Variants in FUCA2 observed in about 807,000 individuals in gnomAD.
FUCA2 encodes alpha-L-fucosidase 2.
A neutral mutation model predicts 52.6 loss-of-function variants in FUCA2; 41 were observed. The ratio of observed to expected loss-of-function variants is 0.78; its 90% CI spans 0.61 to 1.01. FUCA2 has a LOEUF of 1.01. Among genes scored for constraint, FUCA2 ranks in the 50% least tolerant of loss-of-function variants. The pLI is 0.00. For missense variants in FUCA2, 507 were observed against 569.5 expected (o/e 0.89, Z 1.12); for synonymous variants, 211 against 217.3 (o/e 0.97, Z 0.26).
Position 143,502,920 on chromosome 6 carries a change from G to T in FUCA2, c.753-355C>A. ...TTAAGCTCCCTTCCATATTGTAAAT[G>T]GTAGCCAAAACTGAATTTATACCCA... On this transcript the variant is annotated intron_variant, in intron 3 of 6. Coordinates refer to ENST00000002165, the MANE Select transcript of FUCA2 (RefSeq NM_032020.5). This position sits in a 1 kb window ranked among gnomAD's most constrained non-coding sequence, Gnocchi z 4.1. 5.8e-6 allele frequency: 1 copy of T among 172,704 alleles called. No homozygotes were observed. Among genetic ancestry groups the T allele is most frequent in the Admixed American group, 5.6e-5 (1 of 17,868 alleles). 10.7% of individuals were successfully genotyped at this position (172,704 alleles called of 1,614,324 possible).
At position 143,504,732 on chromosome 6, in the gene FUCA2, C is replaced by T. The variant is rs1780577679; in HGVS notation, c.413-480G>A. 6.5e-6 allele frequency: 1 copy of T among 153,418 alleles called. No individual in the cohort carries two copies. The highest frequency in any genetic ancestry group is 6.5e-5 in the Admixed American group (1 of 15,436). The allele number at this position is 153,418 out of a possible 1,614,324, so 9.5% of individuals were successfully genotyped here. Reference sequence around the variant, plus strand: ...GCAAGATTCTTAGTGTCTTCTAAACCAAAGCTTGAAGTCTACTGCTTAGTT... The same window carrying T: ...GCAAGATTCTTAGTGTCTTCTAAACTAAAGCTTGAAGTCTACTGCTTAGTT... On this transcript the variant is annotated intron_variant, in intron 2 of 6. Coordinates refer to ENST00000002165, the MANE Select transcript of FUCA2 (RefSeq NM_032020.5). This position sits in a 1 kb window ranked among gnomAD's most constrained non-coding sequence, Gnocchi z 4.4.
Position 143,503,963 on chromosome 6 carries a change from C to T in FUCA2, c.702G>A (p.Pro234=), listed in dbSNP as rs746164699. 1.5e-5 allele frequency: 24 copies of T among 1,613,958 alleles called. No homozygotes were observed. The highest frequency in any genetic ancestry group is 6.6e-5 in the South Asian group (6 of 91,078). ...VLWSDGDGGA[P]DQYWNSTGFL... ...AGCCTGTGCTGTTCCAGTATTGATC[C>T]GGTGCTCCTCCGTCACCATCCGACC... The change falls in exon 3 of 7, where the codon CCG becomes CCA. Residue 234 remains proline (P), a synonymous_variant. Transcript: ENST00000002165. This position sits in a 1 kb window ranked among gnomAD's most constrained non-coding sequence, Gnocchi z 4.8.
chr6:143,501,819 G>C lies in FUCA2; in HGVS notation c.1154+113C>G. On this transcript the variant is annotated intron_variant, in intron 5 of 6. Transcript: ENST00000002165. This position sits in a 1 kb window ranked among gnomAD's most constrained non-coding sequence, Gnocchi z 6.1. The stretch of plus-strand genomic sequence containing the variant: ...GTAAGCAAAGTTTGGAAAGTGCTTT[G>C]TATATGTAGGAATTCATCCAATTTC... 1 of 891,428 alleles carries C rather than the reference G, an allele frequency of 1.1e-6. No individual in the cohort carries two copies. The highest frequency in any genetic ancestry group is 1.7e-6 in the Non-Finnish European group (1 of 596,280). The allele number at this position is 891,428 out of a possible 1,614,324, so 55.2% of individuals were successfully genotyped here. A position where few individuals can be genotyped will look rare whatever the true frequency, so the allele number is the denominator to read the frequency against.
chr6:143,502,161 A>G lies in FUCA2; in HGVS notation c.964-39T>C. 1 of 1,496,794 alleles carries G rather than the reference A, an allele frequency of 6.7e-7. No homozygotes were observed. The highest frequency in any genetic ancestry group is 9.1e-7 in the Non-Finnish European group (1 of 1,104,824). The allele number at this position is 1,496,794 out of a possible 1,614,324, so 92.7% of individuals were successfully genotyped here. A position where few individuals can be genotyped will look rare whatever the true frequency, so the allele number is the denominator to read the frequency against. ...AATAATGTTTTTAGATAAATAAAATAATTCCATCTTTAATGTGCTAATATG... is the reference window on the plus strand; with the variant it reads ...AATAATGTTTTTAGATAAATAAAATGATTCCATCTTTAATGTGCTAATATG... On this transcript the variant is annotated intron_variant, in intron 4 of 6. Coordinates refer to ENST00000002165, the MANE Select transcript of FUCA2 (RefSeq NM_032020.5). The surrounding 1 kb of genome is among the most constrained non-coding windows in gnomAD (Gnocchi z 4.1).
chr6:143,502,176 G>A lies in FUCA2; in HGVS notation c.964-54C>T, dbSNP rs1780538248. The A allele has an allele frequency of 2.1e-6, 3 of 1,427,506 alleles. No homozygotes were observed. The highest frequency in any genetic ancestry group is 1.5e-5 in the African/African-American group (1 of 68,644). The allele number at this position is 1,427,506 out of a possible 1,614,324, so 88.4% of individuals were successfully genotyped here. ...TAAATAAAATAATTCCATCTTTAAT[G>A]TGCTAATATGTTGCATTTATATATT... On this transcript the variant is annotated intron_variant, in intron 4 of 6. Coordinates refer to ENST00000002165, the MANE Select transcript of FUCA2 (RefSeq NM_032020.5). This position sits in a 1 kb window ranked among gnomAD's most constrained non-coding sequence, Gnocchi z 4.1.
In FUCA2 at chr6:143,495,929, T is replaced by C; in HGVS notation, c.1264-82A>G. On this transcript the variant is annotated intron_variant, in intron 6 of 6. Transcript: ENST00000002165. This position sits in a 1 kb window ranked among gnomAD's most constrained non-coding sequence, Gnocchi z 5.2. Reference sequence around the variant, plus strand: ...CTTTCTATTGGGAAGGAGTGATTAGTAGTTCAAACAAAATTGTAGACAAGA... The same window carrying C: ...CTTTCTATTGGGAAGGAGTGATTAGCAGTTCAAACAAAATTGTAGACAAGA... 1 of 1,423,464 alleles carries C rather than the reference T, an allele frequency of 7.0e-7. No individual in the cohort carries two copies. The highest frequency in any genetic ancestry group is 1.3e-5 in the South Asian group (1 of 79,712). 88.2% of individuals were successfully genotyped at this position (1,423,464 alleles called of 1,614,324 possible).
At position 143,499,190 on chromosome 6, in the gene FUCA2, T is replaced by A. The variant is rs1584025674; in HGVS notation, c.1155-1693A>T. On this transcript the variant is annotated intron_variant, in intron 5 of 6. Coordinates refer to ENST00000002165, the MANE Select transcript of FUCA2 (RefSeq NM_032020.5). The surrounding 1 kb of genome is among the most constrained non-coding windows in gnomAD (Gnocchi z 6.0). ...ATTGAGGCTGGAGTTCGGAAAGAGG[T>A]CTGCACTGGAAATAGAAATGTGGAG... Among the ~76,000 whole-genome samples the A allele has an allele frequency of 6.6e-6, 1 of 152,126 alleles. No individual in the cohort carries two copies. Among genetic ancestry groups the A allele is most frequent in the African/African-American group, 2.4e-5 (1 of 41,408 alleles).
At position 143,507,016 on chromosome 6, in the gene FUCA2, C is replaced by T. The variant is rs975850945; in HGVS notation, c.412+221G>A. On this transcript the variant is annotated intron_variant, in intron 2 of 6. Transcript: ENST00000002165. The surrounding 1 kb of genome is among the most constrained non-coding windows in gnomAD (Gnocchi z 4.5). ...TCAAAATACATGTGACAAAACGTGA[C>T]CATCTTTCCTCTGTTACGTGGCGGG... 8.2e-6 allele frequency: 4 copies of T among 485,496 alleles called. No individual in the cohort carries two copies. The highest frequency in any genetic ancestry group is 4.4e-5 in the Admixed American group (1 of 22,806). 30.1% of individuals were successfully genotyped at this position (485,496 alleles called of 1,614,324 possible).
At position 143,497,337 on chromosome 6, in the gene FUCA2, T is replaced by G; in HGVS notation, c.1263+52A>C. The G allele has an allele frequency of 8.7e-7, 1 of 1,148,204 alleles. No homozygotes were observed. Among genetic ancestry groups the G allele is most frequent in the South Asian group, 1.2e-5 (1 of 81,036 alleles). 71.1% of individuals were successfully genotyped at this position (1,148,204 alleles called of 1,614,324 possible). ...CTCCCCTTAAAAGTTAATGTTTGCATCAAGATGTTCTAATCAGCAATTTAA... is the reference window on the plus strand; with the variant it reads ...CTCCCCTTAAAAGTTAATGTTTGCAGCAAGATGTTCTAATCAGCAATTTAA... On this transcript the variant is annotated intron_variant, in intron 6 of 6. Coordinates refer to ENST00000002165, the MANE Select transcript of FUCA2 (RefSeq NM_032020.5). This position sits in a 1 kb window ranked among gnomAD's most constrained non-coding sequence, Gnocchi z 5.3.
chr6:143,507,362 G>A lies in FUCA2; in HGVS notation c.287C>T (p.Pro96Leu), dbSNP rs764344439. ...YVEFMKDNYP[P>L]SFKYEDFGPL... ...TCCAAAATCTTCATATTTGAAACTA[G>A]GAGGGTAATTATCTTTCATAAATTC... The change falls in exon 2 of 7, where the codon CCT becomes CTT. Residue 96 changes from proline to leucine, a missense_variant. Transcript: ENST00000002165. The surrounding 1 kb of genome is among the most constrained non-coding windows in gnomAD (Gnocchi z 4.5). The A allele has an allele frequency of 1.6e-5, 25 of 1,608,050 alleles. No individual in the cohort carries two copies. In the South Asian group the frequency reaches 2.4e-4, roughly 15 times the overall value.
chr6:143,511,352 C>T lies in FUCA2; in HGVS notation c.224+59G>A. 2.0e-6 allele frequency: 3 copies of T among 1,489,370 alleles called. No homozygotes were observed. Among genetic ancestry groups the T allele is most frequent in the South Asian group, 2.6e-5 (2 of 77,290 alleles). The allele number at this position is 1,489,370 out of a possible 1,614,324, so 92.3% of individuals were successfully genotyped here. A position where few individuals can be genotyped will look rare whatever the true frequency, so the allele number is the denominator to read the frequency against. On this transcript the variant is annotated intron_variant, in intron 1 of 6. Coordinates refer to ENST00000002165, the MANE Select transcript of FUCA2 (RefSeq NM_032020.5). The surrounding 1 kb of genome is among the most constrained non-coding windows in gnomAD (Gnocchi z 6.3). Reference sequence around the variant, plus strand: ...GCGAACCAGGCCCGCTGGGTGGTGGCTGGAGGCTGCGGGTGGGGACAAAAG... The same window carrying T: ...GCGAACCAGGCCCGCTGGGTGGTGGTTGGAGGCTGCGGGTGGGGACAAAAG...
rs753227229 is a variant in FUCA2 at position 143,497,443 on chromosome 6, G to A, written c.1209C>T (p.Pro403=). 1.2e-6 allele frequency: 2 copies of A among 1,613,830 alleles called. No individual in the cohort carries two copies. The highest frequency in any genetic ancestry group is 1.7e-5 in the Admixed American group (1 of 59,998). ...GGCCAAGGAACAGCTGTCCTGATGT[G>A]GGCCATTTAAGAAAAATGGCATAGA... ...KLVYAIFLKW[P]TSGQLFLGHP... The change falls in exon 6 of 7, where the codon CCC becomes CCT. Residue 403 remains proline, a synonymous_variant. Coordinates refer to ENST00000002165, the MANE Select transcript of FUCA2 (RefSeq NM_032020.5). This position sits in a 1 kb window ranked among gnomAD's most constrained non-coding sequence, Gnocchi z 5.3.
chr6:143,502,774 A>G lies in FUCA2; in HGVS notation c.753-209T>C, dbSNP rs3789790. On this transcript the variant is annotated intron_variant, in intron 3 of 6. Coordinates refer to ENST00000002165, the MANE Select transcript of FUCA2 (RefSeq NM_032020.5). This position sits in a 1 kb window ranked among gnomAD's most constrained non-coding sequence, Gnocchi z 4.1. ...TTTCTAGCTCCCAGACCTAGAGCAA[A>G]TTACCTGACTCCTCTGAATAATGAA... The G allele has an allele frequency of 0.23, 119,483 of 512,224 alleles. 14,548 individuals are homozygous for G. Among genetic ancestry groups the G allele is most frequent in the African/African-American group, 0.33 (17,153 of 52,466 alleles). The allele number at this position is 512,224 out of a possible 1,614,324, so 31.7% of individuals were successfully genotyped here.
chr6:143,504,329 A>G lies in FUCA2; in HGVS notation c.413-77T>C. On this transcript the variant is annotated intron_variant, in intron 2 of 6. Transcript: ENST00000002165. This position sits in a 1 kb window ranked among gnomAD's most constrained non-coding sequence, Gnocchi z 4.4. The stretch of plus-strand genomic sequence containing the variant: ...AATTTCAACCCACACAAATGCCCAA[A>G]CAAATCACATAGTACATGCGATATA... 1.6e-6 allele frequency: 2 copies of G among 1,225,222 alleles called. No individual in the cohort carries two copies. The highest frequency in any genetic ancestry group is 2.3e-6 in the Non-Finnish European group (2 of 864,750). 75.9% of individuals were successfully genotyped at this position (1,225,222 alleles called of 1,614,324 possible). A position where few individuals can be genotyped will look rare whatever the true frequency, so the allele number is the denominator to read the frequency against.
rs1051743491 is a variant in FUCA2, at chr6:143,509,161, T to G, written c.225-1737A>C. Reference sequence around the variant, plus strand: ...GTCCCCTACAGTCTAGACTTGAATTTCATGCTGAGAGATGAAAAGAGGCAT... The same window carrying G: ...GTCCCCTACAGTCTAGACTTGAATTGCATGCTGAGAGATGAAAAGAGGCAT... On this transcript the variant is annotated intron_variant, in intron 1 of 6. Coordinates refer to ENST00000002165, the MANE Select transcript of FUCA2 (RefSeq NM_032020.5). The surrounding 1 kb of genome is among the most constrained non-coding windows in gnomAD (Gnocchi z 5.4). Among the ~76,000 whole-genome samples, 48 of 152,352 alleles carry G rather than the reference T, an allele frequency of 3.2e-4. No homozygotes were observed. The highest frequency in any genetic ancestry group is 1.2e-3 in the African/African-American group (48 of 41,580).
Position 143,502,556 on chromosome 6 carries a change from C to G in FUCA2, c.762G>C (p.Arg254=), listed in dbSNP as rs1780544179. The change falls in exon 4 of 7, where the codon CGG becomes CGC. Residue 254 remains arginine, a synonymous_variant. Transcript: ENST00000002165. This position sits in a 1 kb window ranked among gnomAD's most constrained non-coding sequence, Gnocchi z 4.1. ...AACGATCATTGGTGACTACTGTGCC[C>G]CGAACTGGGCTGAAATGAAACATAC... The part of the protein sequence containing the change: ...LAWLYNESPV[R]GTVVTNDRWG... 1 of 1,612,194 alleles carries G rather than the reference C, an allele frequency of 6.2e-7. No homozygotes were observed. The highest frequency in any genetic ancestry group is 1.3e-5 in the African/African-American group (1 of 74,804).
In FUCA2 at chr6:143,503,203, C is replaced by T. The variant is rs1780553526; in HGVS notation, c.753-638G>A. On this transcript the variant is annotated intron_variant, in intron 3 of 6. Transcript: ENST00000002165. The surrounding 1 kb of genome is among the most constrained non-coding windows in gnomAD (Gnocchi z 4.8). ...TTCCCTTGGAAGGAGTACCTGGACA[C>T]ACTGCTGTTTTAAGTATCAAGAGTT... 1 of 152,582 alleles carries T rather than the reference C, an allele frequency of 6.6e-6. No individual in the cohort carries two copies. The highest frequency in any genetic ancestry group is 2.4e-5 in the African/African-American group (1 of 41,430). The allele number at this position is 152,582 out of a possible 1,614,324, so 9.5% of individuals were successfully genotyped here. A position where few individuals can be genotyped will look rare whatever the true frequency, so the allele number is the denominator to read the frequency against.
In FUCA2 at chr6:143,507,133, G is replaced by T; in HGVS notation, c.412+104C>A. The T allele has an allele frequency of 1.9e-6, 2 of 1,053,002 alleles. No homozygotes were observed. The highest frequency in any genetic ancestry group is 2.7e-6 in the Non-Finnish European group (2 of 732,690). 65.2% of individuals were successfully genotyped at this position (1,053,002 alleles called of 1,614,324 possible). A position where few individuals can be genotyped will look rare whatever the true frequency, so the allele number is the denominator to read the frequency against. The stretch of plus-strand genomic sequence containing the variant: ...CAAGTGCCAGTCACCACTTATGGTT[G>T]CTCCGAAGAGAAAATTAGACCTTGC... On this transcript the variant is annotated intron_variant, in intron 2 of 6. Coordinates refer to ENST00000002165, the MANE Select transcript of FUCA2 (RefSeq NM_032020.5). This position sits in a 1 kb window ranked among gnomAD's most constrained non-coding sequence, Gnocchi z 4.5.
At position 143,504,196 on chromosome 6, in the gene FUCA2, GC is replaced by G; in HGVS notation, c.468del (p.Lys158ArgfsTer10). 6.2e-7 allele frequency: 1 copy of G among 1,614,094 alleles called. No homozygotes were observed. Among genetic ancestry groups the G allele is most frequent in the Non-Finnish European group, 8.5e-7 (1 of 1,180,014 alleles). On this transcript the variant is annotated frameshift_variant, in exon 3 of 7. Transcript: ENST00000002165. LOFTEE classifies it high-confidence loss of function. The surrounding 1 kb of genome is among the most constrained non-coding windows in gnomAD (Gnocchi z 4.4). Reference protein sequence around the residue: ...YSWNWNAIDEGPKRDIVKELE... With the variant: ...YSWNWNAIDEXPKRDIVKELE... ...AGTTCCTTGACAATGTCCCTCTTGG[GC>G]CCCTCATCTATGGCATTCCAGTTCC...
Sources: gnomAD v4.1 joint callset for allele counts (sites outside exome capture counted in the v4.1 genomes callset) on GRCh38, gnomAD v4.1.1 for gene constraint, Gnocchi (gnomAD v3.1) non-coding constraint, MANE v1.5 for transcripts, NCBI Gene and HGNC (gene_info 2026-07-23, HGNC 2026-07-21) for gene names.